Variants in WIPF1 observed in about 807,000 individuals in gnomAD.
The protein encoded by WIPF1 is WAS/WASL interacting protein family member 1, also known as WAS/WASL-interacting protein family member 1.
Under a neutral mutation model 35.4 loss-of-function variants are expected in WIPF1, and 13 were observed. The ratio of observed to expected loss-of-function variants is 0.37; its 90% confidence interval spans 0.24 to 0.58. The LOEUF is 0.58. Ranked by LOEUF, WIPF1 falls within the 20% of genes least tolerant of loss-of-function variation. WIPF1 has a pLI of 0.74. For synonymous variants in WIPF1, 267 were observed against 266.3 expected (o/e 1.00, Z -0.02); for missense variants, 591 against 667.0 (o/e 0.89, Z 1.25).
At chr2:174,587,717 C>G (rs1685470239) in intron 1 of WIPF1, 1 of 152,236 alleles carries the variant, frequency 6.6e-6, no homozygotes, top group Non-Finnish European at 1.5e-5. Flanking sequence ...ATTTGATAGA[C>G]TCAGAGAAAT....
At chr2:174,575,639 T>C (rs1685034866) in intron 3 of WIPF1, among the ~76,000 whole-genome samples, 1 of 152,196 alleles carries the variant, frequency 6.6e-6, no homozygotes, top group Non-Finnish European at 1.5e-5. Flanking sequence ...GGCTGCCACA[T>C]GGGTCAGTAT....
intron 1 of WIPF1, among the ~76,000 whole-genome samples, chr2:174,588,111 G>A (rs1039204871): frequency 1.3e-5 from 2 of 152,150 alleles, no homozygotes; most frequent in African/African-American, 4.8e-5. Flanking sequence ...GGACCAGCAG[G>A]AACGAAAGGG....
In WIPF1 at chr2:174,584,113, T is replaced by C. The variant is rs931569247; in HGVS notation, c.51+1410A>G. ...GGCCAAGGACCAGTCTTTTGAAAAA[T>C]ATTTTCATCAGGAACTGACGCTTTT... On this transcript the variant is annotated intron_variant, in intron 2 of 7. Transcript: ENST00000679041. 7.2e-5 allele frequency among the ~76,000 whole-genome samples: 11 copies of C among 152,228 alleles called. 1 individual carries two copies. The South Asian group carries it at 2.3e-3, about 32-fold the overall frequency.
chr2:174,667,837 C>T (rs1687924958), intron 1 of WIPF1, among the ~76,000 whole-genome samples: 1 of 152,222 alleles, frequency 6.6e-6, no homozygotes. Flanking sequence ...CCATTTCCCT[C>T]CTCTTCCTGC....
Position 174,669,919 on chromosome 2 carries a change from TG to T in WIPF1, c.-39+12854del, listed in dbSNP as rs113827052. Among the ~76,000 whole-genome samples, 125 of 152,206 alleles carry T rather than the reference TG, an allele frequency of 8.2e-4. 1 individual carries two copies. Among genetic ancestry groups the T allele is most frequent in the African/African-American group, 2.9e-3 (119 of 41,518 alleles). On this transcript the variant is annotated intron_variant, in intron 1 of 8. Transcript: ENST00000272746. ...AAAATAATTTTAAAAAGAAATGAACTGTTATGCTGGAGAGGAGTGCGGAAGT... is the reference window on the plus strand; with the variant it reads ...AAAATAATTTTAAAAAGAAATGAACTTTATGCTGGAGAGGAGTGCGGAAGT...
chr2:174,578,035 A>G (rs1041470774), intron 3 of WIPF1, among the ~76,000 whole-genome samples: 1 of 152,194 alleles, frequency 6.6e-6, no homozygotes, highest in African/African-American at 2.4e-5. Flanking sequence ...TAAGTGGTCC[A>G]TAATAGGGTT....
At chr2:174,574,979 C>T (rs1029296806) in intron 4 of WIPF1, 1 of 761,378 alleles carries the variant, frequency 1.3e-6, no homozygotes, top group African/African-American at 1.7e-5. Context: ...TACAGGTTAC[C>T]CCCAAAGACA....
intron 4 of WIPF1, among the ~76,000 whole-genome samples, 182 bp from the exon 5 acceptor site, chr2:174,572,628 T>C (rs1684910734): frequency 6.6e-6 from 1 of 152,174 alleles, no homozygotes; most frequent in Non-Finnish European, 1.5e-5. Flanking sequence ...CGACCATAGC[T>C]CTATTTACCT....
At chr2:174,577,747 G>C (rs1247323372) in intron 3 of WIPF1, among the ~76,000 whole-genome samples, 3 of 152,080 alleles carry the variant, frequency 2.0e-5, no homozygotes, top group African/African-American at 7.2e-5. Context: ...GCAATATGGT[G>C]AGATTCCCAT....
At chr2:174,581,609 C>T (rs745884485) in intron 2 of WIPF1, among the ~76,000 whole-genome samples, 170 bp from the exon 3 acceptor site, 4 of 152,104 alleles carry the variant, frequency 2.6e-5, no homozygotes, top group South Asian at 2.1e-4. Flanking sequence ...AAGATCCAGA[C>T]GTTTGGAAGC....
intron 1 of WIPF1, among the ~76,000 whole-genome samples, chr2:174,669,700 C>T (rs901575838): frequency 1.3e-5 from 2 of 152,134 alleles, no homozygotes; most frequent in Non-Finnish European, 2.9e-5. Context: ...CATAGCAATA[C>T]TCCATCTCTA....
At chr2:174,588,780 T>G (rs1189303199) in intron 1 of WIPF1, among the ~76,000 whole-genome samples, 2 of 152,186 alleles carry the variant, frequency 1.3e-5, no homozygotes, top group Non-Finnish European at 2.9e-5. Flanking sequence ...GTGCTGCCTT[T>G]CCTTCCTGGC....
chr2:174,657,755 A>T (rs1292395995), intron 1 of WIPF1, among the ~76,000 whole-genome samples: 2 of 152,046 alleles, frequency 1.3e-5, no homozygotes, highest in East Asian at 1.9e-4. Context: ...ATAAAAAAAT[A>T]AAAAATTAGC....
At chr2:174,614,648 G>A (rs1467517025) in intron 1 of WIPF1, among the ~76,000 whole-genome samples, 4 of 152,220 alleles carry the variant, frequency 2.6e-5, no homozygotes, top group Non-Finnish European at 4.4e-5. Context: ...ACAGAAAACA[G>A]AGTATCCAAC....
Position 174,676,126 on chromosome 2 carries a change from C to A in WIPF1, c.-39+6648G>T, listed in dbSNP as rs868709061. On this transcript the variant is annotated intron_variant, in intron 1 of 8. Coordinates refer to the WIPF1 transcript ENST00000272746. ...CACCATGCCTGGCTTTTTTTTTTTTCTTTTTGGTATTTTTTGTAGAGACTG... is the reference window on the plus strand; with the variant it reads ...CACCATGCCTGGCTTTTTTTTTTTTATTTTTGGTATTTTTTGTAGAGACTG... Among the ~76,000 whole-genome samples, 7 of 144,926 alleles carry A rather than the reference C, an allele frequency of 4.8e-5. 1 individual carries two copies. The highest frequency in any genetic ancestry group is 6.5e-3 in the Middle Eastern group (2 of 308).
chr2:174,575,292 T>C lies in WIPF1; in HGVS notation c.270A>G (p.Gly90=), dbSNP rs199658521. 6.2e-7 allele frequency: 1 copy of C among 1,613,532 alleles called. No individual in the cohort carries two copies. The highest frequency in any genetic ancestry group is 1.1e-5 in the South Asian group (1 of 91,054). Reference sequence around the variant, plus strand: ...CTGGAGGTCCGCCCCCTCCAAAACTTCCACCGCCTCCGCCACCACCTCCTC... The same window carrying C: ...CTGGAGGTCCGCCCCCTCCAAAACTCCCACCGCCTCCGCCACCACCTCCTC... The part of the protein sequence containing the change: ...FGGGGGGGGG[G]SFGGGGPPGL... Residue 90 remains glycine, a synonymous_variant, in exon 4 of 8, where the codon GGA becomes GGG. Coordinates refer to ENST00000679041, the MANE Select transcript of WIPF1 (RefSeq NM_001375834.1).
intron 2 of WIPF1, 143 bp from the exon 3 acceptor site, chr2:174,581,582 C>A: frequency 1.0e-6 from 1 of 1,001,030 alleles, no homozygotes; most frequent in South Asian, 1.9e-5. Context: ...AGTTTTAGAC[C>A]CCATATCTTT....
intron 1 of WIPF1, among the ~76,000 whole-genome samples, chr2:174,645,304 T>C (rs1204511315): frequency 6.6e-6 from 1 of 152,222 alleles, no homozygotes; most frequent in Non-Finnish European, 1.5e-5. Flanking sequence ...AGTGATAAAA[T>C]TGGAATTTGA....
intron 1 of WIPF1, among the ~76,000 whole-genome samples, chr2:174,621,131 T>C (rs898112722): frequency 6.6e-6 from 1 of 152,202 alleles, no homozygotes; most frequent in African/African-American, 2.4e-5. Context: ...CTGGAGACTC[T>C]GAAGGCAGGA....
Sources: allele counts gnomAD v4.1 joint callset (sites outside exome capture counted in the v4.1 genomes callset), GRCh38; gene constraint gnomAD v4.1.1; transcripts MANE v1.5; gene names NCBI Gene and HGNC (gene_info 2026-07-23, HGNC 2026-07-21).